The following RRP1 variants were observed in gnomAD, a reference collection of about 807,000 sequenced individuals.
RRP1 encodes ribosomal RNA processing 1.
RRP1 carries 37 observed loss-of-function variants against 54.6 expected under a neutral mutation model. The observed-to-expected ratio is 0.68, with a 90% CI of 0.52 to 0.89. RRP1 has a LOEUF of 0.89. Ranked by LOEUF, RRP1 falls within the 40% of genes least tolerant of loss-of-function variation. The pLI, the probability that RRP1 is intolerant of heterozygous loss-of-function variation, is 0.00. For missense variants in RRP1, 639 were observed against 612.5 expected (o/e 1.04, Z -0.46); for synonymous variants, 262 against 244.3 (o/e 1.07, Z -0.67).
At chr21:43,795,811 C>A (rs1241277321) in intron 5 of RRP1, among the ~76,000 whole-genome samples, 1 of 152,180 alleles carries the variant, frequency 6.6e-6, no homozygotes, top group Admixed American at 6.5e-5. Context: ...CTAGGCCTCC[C>A]AAGTTGTAAG....
chr21:43,795,967 G>A (rs1003132642), intron 5 of RRP1, among the ~76,000 whole-genome samples: 2 of 152,138 alleles, frequency 1.3e-5, no homozygotes, highest in East Asian at 1.9e-4. Flanking sequence ...TGGTGAAACC[G>A]TGTCTCTACT....
At position 43,799,582 on chromosome 21, in the gene RRP1, G is replaced by A; in HGVS notation, c.824G>A (p.Arg275Lys). 1 of 1,611,916 alleles carries A rather than the reference G, an allele frequency of 6.2e-7. No homozygotes were observed. Among genetic ancestry groups the A allele is most frequent in the East Asian group, 2.2e-5 (1 of 44,848 alleles). ...SEKPPAGSICRAEPEAGEEQA... is the reference protein window; with the variant it reads ...SEKPPAGSICKAEPEAGEEQA... ...CCTTTTGTTCCAGGCTCCATCTGCA[G>A]GGCTGAACCTGAGGCTGGTGAGGAG... is the stretch of plus-strand genomic sequence containing the variant. The change falls in exon 9 of 13, where the codon AGG (arginine) becomes AAG (lysine). Residue 275 changes from arginine (R) to lysine (K), a missense_variant. Arg to Lys is a conservative substitution (Grantham distance 26). Transcript: ENST00000497547.
intron 5 of RRP1, among the ~76,000 whole-genome samples, chr21:43,796,776 C>T (rs897763239): frequency 3.9e-5 from 6 of 152,178 alleles, no homozygotes; most frequent in African/African-American, 7.2e-5. Context: ...TAGGCAGCTG[C>T]GTTATTAAGC....
chr21:43,800,723 T>A lies in RRP1; in HGVS notation c.989+109T>A, dbSNP rs576546922. On this transcript the variant is annotated intron_variant, in intron 10 of 12. Transcript: ENST00000497547. ...CTGGGCCCTTCCGCAGCCCCCGGGGTGATCCCCGCTAGGACCCTGAGACCG... is the reference window on the plus strand; with the variant it reads ...CTGGGCCCTTCCGCAGCCCCCGGGGAGATCCCCGCTAGGACCCTGAGACCG... 5.9e-5 allele frequency: 89 copies of A among 1,501,682 alleles called. 1 individual carries two copies. The Admixed American group carries it at 1.5e-3, about 25-fold the overall frequency. The allele number at this position is 1,501,682 out of a possible 1,614,324, so 93.0% of individuals were successfully genotyped here.
chr21:43,797,484 C>G lies in RRP1; in HGVS notation c.485C>G (p.Pro162Arg), dbSNP rs1363557520. 1.9e-6 allele frequency: 3 copies of G among 1,613,944 alleles called. No homozygotes were observed. Among genetic ancestry groups the G allele is most frequent in the Admixed American group, 3.3e-5 (2 of 60,020 alleles). Reference protein sequence around the residue: ...TEILHPSSQAPNGVKSHFIEI... With the variant: ...TEILHPSSQARNGVKSHFIEI... ...ATCCTGCACCCCAGCAGCCAGGCCCCCAACGGTGTGAAGAGCCACTTCATC... is the reference window on the plus strand; with the variant it reads ...ATCCTGCACCCCAGCAGCCAGGCCCGCAACGGTGTGAAGAGCCACTTCATC... Residue 162 changes from proline to arginine, a missense_variant, in exon 6 of 13, where the codon CCC (proline) becomes CGC (arginine). Coordinates refer to ENST00000497547, the MANE Select transcript of RRP1 (RefSeq NM_003683.6).
In RRP1 at chr21:43,789,676, G is replaced by T; in HGVS notation, c.47G>T (p.Arg16Leu). 3.2e-6 allele frequency: 5 copies of T among 1,573,492 alleles called. No homozygotes were observed. Among genetic ancestry groups the T allele is most frequent in the South Asian group, 1.2e-5 (1 of 86,148 alleles). The stretch of plus-strand genomic sequence containing the variant: ...CCGCCTGAGATCCAGCTGGCTCAGC[G>T]CCTGGCGGGGAATGAGCAGGTGACC... ...QLPPEIQLAQ[R>L]LAGNEQVTRD... The change falls in exon 1 of 13, where the codon CGC (arginine) becomes CTC (leucine). Residue 16 changes from arginine to leucine, a missense_variant. Transcript: ENST00000497547.
In RRP1 at chr21:43,797,274, G is replaced by C. The variant is rs1421105341; in HGVS notation, c.423-148G>C. ...ACCTAGGATCGTTGATATCATCTGC[G>C]TGGACTTTAAGGCTGGCATGTTTGC... On this transcript the variant is annotated intron_variant, in intron 5 of 12. Transcript: ENST00000497547. 5.2e-6 allele frequency: 7 copies of C among 1,352,230 alleles called. No individual in the cohort carries two copies. The Admixed American group carries it at 1.1e-4, about 22-fold the overall frequency. The allele number at this position is 1,352,230 out of a possible 1,614,324, so 83.8% of individuals were successfully genotyped here. A position where few individuals can be genotyped will look rare whatever the true frequency, so the allele number is the denominator to read the frequency against.
Position 43,800,563 on chromosome 21 carries a change from G to T in RRP1, c.938G>T (p.Arg313Leu). 1.2e-6 allele frequency: 2 copies of T among 1,614,260 alleles called. No individual in the cohort carries two copies. Among genetic ancestry groups the T allele is most frequent in the Non-Finnish European group, 1.7e-6 (2 of 1,180,048 alleles). Residue 313 changes from arginine (R) to leucine (L), a missense_variant, in exon 10 of 13, where the codon CGC (arginine) becomes CTC (leucine). By Grantham distance (102) the Arg-to-Leu change is moderately radical. Coordinates refer to ENST00000497547, the MANE Select transcript of RRP1 (RefSeq NM_003683.6). ...VANRLFEMAS[R>L]QSTPSQNRKR... The stretch of plus-strand genomic sequence containing the variant: ...AACAGACTGTTTGAAATGGCCAGCC[G>T]CCAGAGCACCCCTTCTCAGAACAGA...
At chr21:43,795,545 A>G (rs1341343672) in intron 5 of RRP1, among the ~76,000 whole-genome samples, 1 of 152,150 alleles carries the variant, frequency 6.6e-6, no homozygotes. Context: ...GTTCCGCTTC[A>G]TTAGCAATGC....
chr21:43,803,223 A>C (rs1601876203), intron 12 of RRP1, among the ~76,000 whole-genome samples: 2 of 150,166 alleles, frequency 1.3e-5, no homozygotes, highest in East Asian at 3.9e-4. Flanking sequence ...CTGTTCTTCC[A>C]CCTCCCCTTC....
In RRP1 at chr21:43,795,275, G is replaced by T. The variant is rs553794582; in HGVS notation, c.422+25G>T. On this transcript the variant is annotated intron_variant, in intron 5 of 12. Transcript: ENST00000497547. ...GGTGGGTGCGCGGCGGGCCTGCTCT[G>T]GGGGGACGCTGTTCTCGGGGACCGC... The T allele has an allele frequency of 8.7e-6, 14 of 1,611,686 alleles. No individual in the cohort carries two copies. In the East Asian group the frequency reaches 1.8e-4, roughly 21 times the overall value.
chr21:43,792,571 ATGAGTGAG>A (rs548061094), intron 2 of RRP1, 93 bp from the exon 3 acceptor site: 58 of 1,146,258 alleles, frequency 5.1e-5, no homozygotes, highest in African/African-American at 1.5e-4. Flanking sequence ...ACTCTCTGTG[ATGAGTGAG>A]TGAGTGAGTG....
chr21:43,802,394 C>T lies in RRP1; in HGVS notation c.1123+7C>T. 6.2e-7 allele frequency: 1 copy of T among 1,610,482 alleles called. No individual in the cohort carries two copies. The highest frequency in any genetic ancestry group is 8.5e-7 in the Non-Finnish European group (1 of 1,176,968). On this transcript the variant is annotated splice_region_variant and intron_variant, in intron 12 of 12. Transcript: ENST00000497547. Reference sequence around the variant, plus strand: ...AGGTTGCAGCAGGAGAGAGGTAGGACTAGGGGGTGTGTTAGTCATGGAGCC... The same window carrying T: ...AGGTTGCAGCAGGAGAGAGGTAGGATTAGGGGGTGTGTTAGTCATGGAGCC...
chr21:43,789,901 G>T, intron 1 of RRP1, 139 bp downstream of exon 1: 1 of 1,079,900 alleles, frequency 9.3e-7, no homozygotes, highest in South Asian at 1.9e-5. Flanking sequence ...GGGTCCACTG[G>T]CCTGTTCCCG....
chr21:43,790,059 C>G (rs995172189), intron 1 of RRP1, among the ~76,000 whole-genome samples: 13 of 152,260 alleles, frequency 8.5e-5, no homozygotes, highest in African/African-American at 2.9e-4. Flanking sequence ...TCCTGCTGCC[C>G]TGCTGTTTGG....
intron 12 of RRP1, among the ~76,000 whole-genome samples, chr21:43,802,916 C>G (rs551487336): frequency 2.6e-4 from 39 of 152,384 alleles, no homozygotes; most frequent in African/African-American, 8.4e-4. Flanking sequence ...AGCTGCCTAC[C>G]TGCAGTGGAG....
At chr21:43,802,117 C>T (rs945492057) in intron 11 of RRP1, 157 bp from the exon 12 acceptor site, 10 of 600,440 alleles carry the variant, frequency 1.7e-5, no homozygotes, top group African/African-American at 9.3e-5. Context: ...TCAGCTGTGG[C>T]GGGTACTGAA....
At chr21:43,794,823 G>T (rs1367682749) in intron 4 of RRP1, among the ~76,000 whole-genome samples, 1 of 152,226 alleles carries the variant, frequency 6.6e-6, no homozygotes, top group Middle Eastern at 3.2e-3. Context: ...ACCGCCCGTG[G>T]GGGTAGCCGT....
rs563730662 is a variant in RRP1, at chr21:43,798,252, C to T, written c.811+152C>T. The stretch of plus-strand genomic sequence containing the variant: ...ATCCTCAGCATAGAAGCCAGAGTGA[C>T]TTCTGTGGGCACCAAGCACACGTCG... On this transcript the variant is annotated intron_variant, in intron 8 of 12. Transcript: ENST00000497547. 1.5e-5 allele frequency: 10 copies of T among 671,086 alleles called. No homozygotes were observed. In the African/African-American group the frequency reaches 1.6e-4, roughly 11 times the overall value. 41.6% of individuals were successfully genotyped at this position (671,086 alleles called of 1,614,324 possible).
Sources: allele counts gnomAD v4.1 joint callset (sites outside exome capture counted in the v4.1 genomes callset), GRCh38; gene constraint gnomAD v4.1.1; transcripts MANE v1.5; gene names NCBI Gene and HGNC (gene_info 2026-07-23, HGNC 2026-07-21).